Variants in ARPC4 observed in about 807,000 individuals in gnomAD.
ARPC4 encodes the protein actin-related protein 2/3 complex subunit 4.
In ARPC4, 3 loss-of-function variants were observed where a neutral mutation model predicts 22.8. The observed-to-expected ratio is 0.13, with a 90% CI of 0.06 to 0.34. The LOEUF is 0.34. Among genes scored for constraint, ARPC4 ranks in the 10% least tolerant of loss-of-function variants. The probability of loss-of-function intolerance (pLI) is 1.00; values close to 1 mark genes in which losing one functional copy is unlikely to be tolerated. For missense variants in ARPC4, 98 were observed against 211.0 expected (o/e 0.46, Z 3.32); for synonymous variants, 80 against 72.5 (o/e 1.10, Z -0.52).
At chr3:9,797,414 A>G (rs1466102771) in intron 1 of ARPC4, among the ~76,000 whole-genome samples, 2 of 152,194 alleles carry the variant, frequency 1.3e-5, no homozygotes, top group Middle Eastern at 3.2e-3. Flanking sequence ...CAGGTTAAAA[A>G]AGAAAGAAAG....
chr3:9,794,429 G>A (rs2078835212), intron 1 of ARPC4, among the ~76,000 whole-genome samples: 1 of 152,124 alleles, frequency 6.6e-6, no homozygotes, highest in Admixed American at 6.5e-5. Context: ...AACCCAGAAA[G>A]CAGAGCTTGC....
chr3:9,805,155 A>G (rs1226706376), intron 5 of ARPC4, among the ~76,000 whole-genome samples: 2 of 152,202 alleles, frequency 1.3e-5, no homozygotes, highest in Non-Finnish European at 1.5e-5. Context: ...TTCCAATTGA[A>G]TATTTGGCTC....
At chr3:9,797,035 T>C (rs1289797552) in intron 1 of ARPC4, among the ~76,000 whole-genome samples, 1 of 152,110 alleles carries the variant, frequency 6.6e-6, no homozygotes, top group Admixed American at 6.6e-5. Context: ...AAATATAGAT[T>C]ACTTGTAAAT....
intron 2 of ARPC4, 190 bp from the exon 3 acceptor site, chr3:9,799,995 C>G: frequency 1.4e-6 from 1 of 691,570 alleles, no homozygotes; most frequent in Non-Finnish European, 2.6e-6. Context: ...ACCTTTTCGC[C>G]CTGACTTCAG....
At chr3:9,792,772 C>G, upstream of ARPC4, 1 of 1,249,322 alleles carries the variant, frequency 8.0e-7, no homozygotes, top group Non-Finnish European at 1.0e-6. Context: ...TCCGCTTCGG[C>G]TTGTCCTAAT....
chr3:9,796,425 A>T (rs1333819107), intron 1 of ARPC4, among the ~76,000 whole-genome samples: 4 of 152,252 alleles, frequency 2.6e-5, no homozygotes, highest in African/African-American at 4.8e-5. Context: ...CATGAAAGAC[A>T]TTTTTTTGTC....
chr3:9,802,909 C>A (rs1333910824), intron 4 of ARPC4, among the ~76,000 whole-genome samples: 1 of 151,934 alleles, frequency 6.6e-6, no homozygotes, highest in East Asian at 1.9e-4. Flanking sequence ...CTCAGGTGAT[C>A]CGCCTGCCTC....
upstream of ARPC4, chr3:9,792,834 G>T (rs756497901): frequency 1.6e-5 from 22 of 1,359,202 alleles, no homozygotes; most frequent in Non-Finnish European, 2.1e-5. Flanking sequence ...GGGGGAGGCT[G>T]TGGCAAAGGT....
upstream of ARPC4, chr3:9,792,671 C>G (rs2078768379): frequency 8.1e-7 from 1 of 1,232,786 alleles, no homozygotes; most frequent in Non-Finnish European, 1.0e-6. Flanking sequence ...GATCTCCGCG[C>G]TGCAGTTAGC....
chr3:9,799,556 C>G (rs1366603519), intron 2 of ARPC4, among the ~76,000 whole-genome samples: 1 of 151,922 alleles, frequency 6.6e-6, no homozygotes, highest in Non-Finnish European at 1.5e-5. Flanking sequence ...AATTCTCGTG[C>G]TTCAGCCTCC....
chr3:9,795,609 T>C (rs974571871), intron 1 of ARPC4, among the ~76,000 whole-genome samples: 1 of 152,222 alleles, frequency 6.6e-6, no homozygotes, highest in Non-Finnish European at 1.5e-5. Flanking sequence ...ATTACTACTC[T>C]GGAACTCTTG....
Position 9,806,290 on chromosome 3 carries a change from C to A in ARPC4, c.*75C>A. On this transcript the variant is annotated 3_prime_UTR_variant, in exon 6 of 6. Coordinates refer to ENST00000397261, the MANE Select transcript of ARPC4 (RefSeq NM_005718.5). ...CACGAAGGCGTCCTGGAGTCACTCCCCGAGCAGCGCGGCGGCGGCAGGGAG... is the reference window on the plus strand; with the variant it reads ...CACGAAGGCGTCCTGGAGTCACTCCACGAGCAGCGCGGCGGCGGCAGGGAG... 6.5e-7 allele frequency: 1 copy of A among 1,541,702 alleles called. No individual in the cohort carries two copies. The highest frequency in any genetic ancestry group is 9.0e-7 in the Non-Finnish European group (1 of 1,114,004).
chr3:9,796,767 C>T (rs901807784), intron 1 of ARPC4, among the ~76,000 whole-genome samples: 2 of 151,910 alleles, frequency 1.3e-5, no homozygotes, highest in Non-Finnish European at 2.9e-5. Flanking sequence ...CCGTGAAACC[C>T]TGTCTCTACT....
rs1328147109 is a variant in ARPC4, at chr3:9,793,135, CG to C, written c.3+14del. 3 of 1,542,090 alleles carry C rather than the reference CG, an allele frequency of 1.9e-6. No individual in the cohort carries two copies. The highest frequency in any genetic ancestry group is 1.4e-5 in the African/African-American group (1 of 72,870). ...CCAGCGCCCGCGATGGTGAGAGAGC[CG>C]GGCCCCCGGCCAGGGACCCCCGGCT... On this transcript the variant is annotated intron_variant, in intron 1 of 5. Coordinates refer to ENST00000397261, the MANE Select transcript of ARPC4 (RefSeq NM_005718.5).
At chr3:9,799,831 T>C (rs2078971280) in intron 2 of ARPC4, 1 of 470,350 alleles carries the variant, frequency 2.1e-6, no homozygotes, top group African/African-American at 2.0e-5. Flanking sequence ...GCTCCTACTA[T>C]GTGCCAGGCA....
chr3:9,792,698 A>T, upstream of ARPC4: 1 of 1,233,538 alleles, frequency 8.1e-7, no homozygotes, highest in Non-Finnish European at 1.0e-6. Flanking sequence ...GAGCGCCAGG[A>T]GCTGCGGGTA....
At chr3:9,800,334 T>C in intron 3 of ARPC4, 38 bp downstream of exon 3, 2 of 1,589,076 alleles carry the variant, frequency 1.3e-6, no homozygotes, top group Non-Finnish European at 1.7e-6. Context: ...GTAAGGCCTC[T>C]TTCAGTCCTT....
At chr3:9,800,716 T>C (rs2078990178) in intron 3 of ARPC4, among the ~76,000 whole-genome samples, 3 of 151,026 alleles carry the variant, frequency 2.0e-5, no homozygotes, top group Admixed American at 1.3e-4. Flanking sequence ...TGAGCCACCA[T>C]GCCTGGCCAG....
At chr3:9,798,872 CAAAA>C (rs2078951081) in intron 2 of ARPC4, among the ~76,000 whole-genome samples, 2 of 84,948 alleles carry the variant, frequency 2.4e-5, no homozygotes, top group Non-Finnish European at 5.1e-5. Flanking sequence ...GACTTCGTCT[CAAAA>C]ATAAAATAAA....
Sources: gnomAD v4.1 joint callset for allele counts (sites outside exome capture counted in the v4.1 genomes callset) on GRCh38, gnomAD v4.1.1 for gene constraint, MANE v1.5 for transcripts, NCBI Gene and HGNC (gene_info 2026-07-23, HGNC 2026-07-21) for gene names.